The following MARCHF6 variants were observed in gnomAD, a reference collection of about 807,000 sequenced individuals.
MARCHF6 encodes the protein membrane associated ring-CH-type finger 6.
In MARCHF6, 31 loss-of-function variants were observed where a neutral mutation model predicts 133.7. That is an observed-to-expected ratio of 0.23 (90% confidence interval 0.17 to 0.31). The LOEUF is 0.31. MARCHF6 is among the 10% of genes least tolerant of loss of function. The pLI is 1.00. For missense variants in MARCHF6, 723 were observed against 1,121.6 expected, an observed-to-expected ratio of 0.64 and a Z score of 5.08; for synonymous variants, 395 against 402.5, an observed-to-expected ratio of 0.98 and a Z score of 0.22.
chr5:10,381,824 G>T lies in MARCHF6; in HGVS notation c.215G>T (p.Arg72Leu). The T allele has an allele frequency of 6.2e-7, 1 of 1,606,924 alleles. No individual in the cohort carries two copies. Among genetic ancestry groups the T allele is most frequent in the Non-Finnish European group, 8.5e-7 (1 of 1,177,536 alleles). Residue 72 changes from arginine to leucine, a missense_variant, in exon 4 of 26, where the codon CGG becomes CTG. Around this residue, in one of 4 missense-constraint regions of MARCHF6, gnomAD observed 91 missense variants for 208.8 expected, o/e 0.44. Coordinates refer to ENST00000274140, the MANE Select transcript of MARCHF6 (RefSeq NM_005885.4). ...GTTTATTCTCCAGATATGCCTTCAC[G>T]GCTTCCAATTCAAGACATATTTGCT... ...TPIYSPDMPSRLPIQDIFAGL... is the reference protein window; with the variant it reads ...TPIYSPDMPSLLPIQDIFAGL...
intron 11 of MARCHF6, chr5:10,401,058 T>C (rs1738501873): frequency 2.0e-6 from 1 of 495,292 alleles, no homozygotes; most frequent in Non-Finnish European, 3.6e-6. Flanking sequence ...TGAAATCCAG[T>C]CAGCTGGGTG....
At chr5:10,415,779 C>G in intron 21 of MARCHF6, 110 bp downstream of exon 21, 1 of 911,962 alleles carries the variant, frequency 1.1e-6, no homozygotes, top group Non-Finnish European at 1.6e-6. Context: ...TATATTGTTT[C>G]AAGAGAGTTG....
chr5:10,382,020 T>G (rs1159764407), intron 4 of MARCHF6, 77 bp downstream of exon 4: 10 of 1,347,410 alleles, frequency 7.4e-6, no homozygotes, highest in Non-Finnish European at 9.4e-6. Context: ...TATTGCATCA[T>G]ATTATTATTT....
Position 10,353,871 on chromosome 5 carries a change from C to T in MARCHF6, c.-28C>T, listed in dbSNP as rs753230917. The T allele has an allele frequency of 1.0e-5, 16 of 1,559,088 alleles. No homozygotes were observed. The African/African-American group carries it at 1.8e-4, about 17-fold the overall frequency. ...CCGCCCGGCCGCGGGAGCCTCGTGG[C>T]TGCGTCACCGCCGCCCCCCCAGACA... is the stretch of plus-strand genomic sequence containing the variant. On this transcript the variant is annotated 5_prime_UTR_variant, in exon 1 of 26. Coordinates refer to ENST00000274140, the MANE Select transcript of MARCHF6 (RefSeq NM_005885.4).
At chr5:10,423,594 G>T in intron 22 of MARCHF6, 141 bp from the exon 23 acceptor site, 4 of 456,602 alleles carry the variant, frequency 8.8e-6, no homozygotes, top group Non-Finnish European at 1.5e-5. Flanking sequence ...TTTTCAGTAC[G>T]TTAGTCTTTT....
In MARCHF6 at chr5:10,426,372, C is replaced by G; in HGVS notation, c.2374-18C>G. 1 of 1,611,366 alleles carries G rather than the reference C, an allele frequency of 6.2e-7. No individual in the cohort carries two copies. ...TTGTCTTGTATCTTTGTTCTAATTG[C>G]TTTTTGTAATGTTTCAGGTTTACGC... On this transcript the variant is annotated intron_variant, in intron 23 of 25. Coordinates refer to ENST00000274140, the MANE Select transcript of MARCHF6 (RefSeq NM_005885.4).
intron 7 of MARCHF6, among the ~76,000 whole-genome samples, chr5:10,393,658 A>T (rs995259154): frequency 6.6e-6 from 1 of 152,136 alleles, no homozygotes; most frequent in Non-Finnish European, 1.5e-5. Context: ...TAGTTTTCCC[A>T]TTACTAAAGA....
chr5:10,372,278 A>AT lies in MARCHF6; in HGVS notation c.20-5513dup, dbSNP rs543463450. Among the ~76,000 whole-genome samples, 42 of 152,116 alleles carry AT rather than the reference A, an allele frequency of 2.8e-4. No homozygotes were observed. In the East Asian group the frequency reaches 6.7e-3, roughly 24 times the overall value. On this transcript the variant is annotated intron_variant, in intron 1 of 25. Coordinates refer to ENST00000274140, the MANE Select transcript of MARCHF6 (RefSeq NM_005885.4). The stretch of plus-strand genomic sequence containing the variant: ...AACCCATAGCATCTTAAAGATCTTT[A>AT]TTTTTTTATCATGTCTGTGTACTAT...
chr5:10,390,569 T>G, intron 6 of MARCHF6, 69 bp downstream of exon 6: 1 of 1,406,008 alleles, frequency 7.1e-7, no homozygotes, highest in Non-Finnish European at 9.7e-7. Context: ...TCTCTGAGAC[T>G]CAAACTCTTG....
intron 22 of MARCHF6, 23 bp from the exon 23 acceptor site, chr5:10,423,712 T>G: frequency 6.5e-7 from 1 of 1,529,932 alleles, no homozygotes; most frequent in Non-Finnish European, 9.0e-7. Context: ...CAGAAATATG[T>G]TAAATGGTTT....
At chr5:10,379,806 A>G (rs986586363) in intron 3 of MARCHF6, among the ~76,000 whole-genome samples, 3 of 152,054 alleles carry the variant, frequency 2.0e-5, no homozygotes, top group South Asian at 4.1e-4. Flanking sequence ...GGGTCTCACT[A>G]TATTGCCCAG....
At chr5:10,390,638 T>C (rs181603629) in intron 6 of MARCHF6, 138 bp downstream of exon 6, 1 of 855,392 alleles carries the variant, frequency 1.2e-6, no homozygotes, top group East Asian at 2.7e-5. Context: ...GCGGAAAGGT[T>C]TGGGTGAAGA....
At chr5:10,384,890 T>G (rs1250460926) in intron 4 of MARCHF6, among the ~76,000 whole-genome samples, 1 of 152,188 alleles carries the variant, frequency 6.6e-6, no homozygotes, top group East Asian at 1.9e-4. Flanking sequence ...CTAAAGGACA[T>G]ATGTATAAGA....
At chr5:10,407,223 A>C in intron 17 of MARCHF6, 21 bp downstream of exon 17, 1 of 1,322,618 alleles carries the variant, frequency 7.6e-7, no homozygotes, top group Non-Finnish European at 1.1e-6. Flanking sequence ...AAAATTTAGA[A>C]TAGCTTTACT....
chr5:10,397,263 A>C (rs1407012692), intron 9 of MARCHF6, 30 bp from the exon 10 acceptor site: 2 of 1,487,084 alleles, frequency 1.3e-6, no homozygotes, highest in Non-Finnish European at 1.8e-6. Flanking sequence ...TATGAATTGA[A>C]TATGCTTTAT....
intron 2 of MARCHF6, among the ~76,000 whole-genome samples, chr5:10,378,341 G>A (rs1736912975): frequency 6.6e-6 from 1 of 152,202 alleles, no homozygotes; most frequent in Non-Finnish European, 1.5e-5. Flanking sequence ...TTATTATGCA[G>A]ATGAGGAAAT....
chr5:10,353,820 C>T lies in MARCHF6; in HGVS notation c.-79C>T. ...GTACGCACCTGCCCGGGCCCGGCTC[C>T]CTCCTCCTCTCCCCTCCCTCTTTCC... On this transcript the variant is annotated 5_prime_UTR_variant, in exon 1 of 26. Transcript: ENST00000274140. 2 of 1,376,470 alleles carry T rather than the reference C, an allele frequency of 1.5e-6. No homozygotes were observed. The highest frequency in any genetic ancestry group is 1.5e-5 in the African/African-American group (1 of 67,720). The allele number at this position is 1,376,470 out of a possible 1,614,324, so 85.3% of individuals were successfully genotyped here.
At position 10,400,764 on chromosome 5, in the gene MARCHF6, A is replaced by T; in HGVS notation, c.914-20A>T. 6.3e-7 allele frequency: 1 copy of T among 1,598,630 alleles called. No homozygotes were observed. Among genetic ancestry groups the T allele is most frequent in the Non-Finnish European group, 8.6e-7 (1 of 1,166,214 alleles). ...TGTTTTGATGTCGGAGTTTTCATGG[A>T]ATTTTTTCCCCCTTTTTAGCATTTT... On this transcript the variant is annotated intron_variant, in intron 10 of 25. Transcript: ENST00000274140.
chr5:10,381,676 TA>T, intron 3 of MARCHF6, 123 bp from the exon 4 acceptor site: 1 of 714,088 alleles, frequency 1.4e-6, no homozygotes, highest in Non-Finnish European at 2.2e-6. Flanking sequence ...TTATTTTTTT[TA>T]AATAGGAAAA....
Sources: allele counts gnomAD v4.1 joint callset (sites outside exome capture counted in the v4.1 genomes callset), GRCh38; gene constraint gnomAD v4.1.1; regional missense constraint gnomAD v4.1.1; transcripts MANE v1.5; gene names NCBI Gene and HGNC (gene_info 2026-07-23, HGNC 2026-07-21).